ZCCHC7: variants seen among roughly 807,000 people sequenced by gnomAD.
ZCCHC7 encodes zinc finger CCHC domain-containing protein 7.
Under a neutral mutation model 52.0 loss-of-function variants are expected in ZCCHC7, and 35 were observed. The observed-to-expected ratio is 0.67, with a 90% CI of 0.51 to 0.89. The LOEUF (loss-of-function observed/expected upper bound fraction) is 0.89. Ranked by LOEUF, ZCCHC7 falls within the 40% of genes least tolerant of loss-of-function variation. The probability of loss-of-function intolerance (pLI) is 0.00; values close to 1 mark genes in which losing one functional copy is unlikely to be tolerated. For synonymous variants in ZCCHC7, 217 were observed against 221.5 expected, an observed-to-expected ratio of 0.98 and a Z score of 0.18; for missense variants, 574 against 649.1, an observed-to-expected ratio of 0.88 and a Z score of 1.26.
intron 2 of ZCCHC7, among the ~76,000 whole-genome samples, chr9:37,217,438 C>G (rs1256996220): frequency 6.6e-6 from 1 of 152,070 alleles, no homozygotes; most frequent in South Asian, 2.1e-4. Context: ...AGCCTTCAAT[C>G]AGTGAAAGAA....
At chr9:37,180,435 A>AT (rs1364144721) in intron 2 of ZCCHC7, among the ~76,000 whole-genome samples, 1 of 152,166 alleles carries the variant, frequency 6.6e-6, no homozygotes, top group African/African-American at 2.4e-5. Flanking sequence ...CAGTGGTACA[A>AT]TTTGGTGGTT....
chr9:37,248,176 T>G (rs1173799413), intron 2 of ZCCHC7, among the ~76,000 whole-genome samples: 1 of 152,194 alleles, frequency 6.6e-6, no homozygotes, highest in East Asian at 1.9e-4. Flanking sequence ...TTACATACTT[T>G]GACATATTTT....
chr9:37,349,566 G>GT (rs1821238689), intron 7 of ZCCHC7, 114 bp downstream of exon 7: 2 of 1,010,766 alleles, frequency 2.0e-6, no homozygotes, highest in East Asian at 5.3e-5. Context: ...AAACATTAAA[G>GT]TAAGACTTAA....
rs199565606 is a variant in ZCCHC7, at chr9:37,357,154, A to C, written c.1518A>C (p.Glu506Asp). ...HRSSHYHTSR[E>D]DKSPKEGKRG... ...CATCACATTACCACACGTCAAGAGA[A>C]GACAAGTCTCCCAAGGAAGGCAAGA... Residue 506 changes from glutamate to aspartate, a missense_variant, in exon 9 of 9, where the codon GAA becomes GAC. By Grantham distance (45) the Glu-to-Asp change is conservative. This residue lies in a region of ZCCHC7 where 168 missense variants were observed against 171.6 expected (regional missense o/e 0.98). Transcript: ENST00000336755. 1.4e-5 allele frequency: 22 copies of C among 1,613,648 alleles called. No homozygotes were observed. The East Asian group carries it at 3.6e-4, about 26-fold the overall frequency.
intron 2 of ZCCHC7, among the ~76,000 whole-genome samples, chr9:37,145,874 C>T (rs1196170684): frequency 6.6e-6 from 1 of 151,782 alleles, no homozygotes; most frequent in East Asian, 1.9e-4. Flanking sequence ...AGGAATATAA[C>T]CCAAAATTAA....
chr9:37,208,553 A>G (rs1227811552), intron 2 of ZCCHC7, among the ~76,000 whole-genome samples: 1 of 152,246 alleles, frequency 6.6e-6, no homozygotes, highest in Admixed American at 6.5e-5. Flanking sequence ...GTAACAGATC[A>G]TATTGAGTGA....
intron 1 of ZCCHC7, 181 bp downstream of exon 1, chr9:37,120,804 G>T (rs1029513485): frequency 6.5e-6 from 2 of 307,604 alleles, no homozygotes; most frequent in African/African-American, 2.2e-5. Context: ...CGCCCCACGC[G>T]GCCGGGCTGC....
Position 37,357,014 on chromosome 9 carries a change from C to T in ZCCHC7, c.1378C>T (p.His460Tyr), listed in dbSNP as rs755134888. The T allele has an allele frequency of 6.2e-7, 1 of 1,613,672 alleles. No homozygotes were observed. ...GAACAAGAATAGAAACTGGGAGAAG[C>T]ACAGGAAGGCTGACAGACATCGTGA... ...MKNKNRNWEK[H>Y]RKADRHREVD... The change falls in exon 9 of 9, where the codon CAC becomes TAC. Residue 460 changes from histidine to tyrosine, a missense_variant. Coordinates refer to ENST00000336755, the MANE Select transcript of ZCCHC7 (RefSeq NM_032226.3).
In ZCCHC7 at chr9:37,203,994, G is replaced by A. The variant is rs192959808; in HGVS notation, c.610+77052G>A. The stretch of plus-strand genomic sequence containing the variant: ...GTTGTTTCTTGACTTTTTAATAATC[G>A]CCATTCTGACTGGCATGAGATGGTA... On this transcript the variant is annotated intron_variant, in intron 2 of 8. Transcript: ENST00000336755. Among the ~76,000 whole-genome samples the A allele has an allele frequency of 6.6e-5, 10 of 152,074 alleles. No homozygotes were observed. The South Asian group carries it at 1.3e-3, about 19-fold the overall frequency.
At chr9:37,166,680 T>C (rs1213091891) in intron 2 of ZCCHC7, among the ~76,000 whole-genome samples, 1 of 152,224 alleles carries the variant, frequency 6.6e-6, no homozygotes, top group Non-Finnish European at 1.5e-5. Context: ...ATCATTCTTT[T>C]AGTGCTATCA....
chr9:37,201,321 G>A (rs1213941934), intron 2 of ZCCHC7, among the ~76,000 whole-genome samples: 1 of 152,130 alleles, frequency 6.6e-6, no homozygotes, highest in East Asian at 1.9e-4. Flanking sequence ...GAGAAAAAGA[G>A]ACAAAAAGTA....
rs528844945 is a variant in ZCCHC7 at position 37,293,581 on chromosome 9, T to G, written c.611-8607T>G. 2.0e-5 allele frequency among the ~76,000 whole-genome samples: 3 copies of G among 152,256 alleles called. No individual in the cohort carries two copies. In the East Asian group the frequency reaches 5.8e-4, roughly 29 times the overall value. ...TTTGCCTTTTGTGGACAGTTGGAGG[T>G]GGGGAACAGGCATCCATAGTCAGTA... is the stretch of plus-strand genomic sequence containing the variant. On this transcript the variant is annotated intron_variant, in intron 2 of 8. Coordinates refer to ENST00000336755, the MANE Select transcript of ZCCHC7 (RefSeq NM_032226.3).
At chr9:37,265,833 G>A (rs1827080131) in intron 2 of ZCCHC7, among the ~76,000 whole-genome samples, 1 of 152,106 alleles carries the variant, frequency 6.6e-6, no homozygotes, top group Admixed American at 6.5e-5. Context: ...GTTGGCCCTA[G>A]TCTGTTTTTT....
At chr9:37,191,361 A>C (rs1355242639) in intron 2 of ZCCHC7, among the ~76,000 whole-genome samples, 1 of 152,100 alleles carries the variant, frequency 6.6e-6, no homozygotes, top group Non-Finnish European at 1.5e-5. Context: ...TATTGTTTTG[A>C]AAGTATATTG....
At chr9:37,351,632 C>T (rs1359812931) in intron 7 of ZCCHC7, among the ~76,000 whole-genome samples, 1 of 152,160 alleles carries the variant, frequency 6.6e-6, no homozygotes, top group African/African-American at 2.4e-5. Context: ...ACAGAATTAT[C>T]ATCTCTAGAT....
chr9:37,258,370 G>A (rs150750989), intron 2 of ZCCHC7, among the ~76,000 whole-genome samples: 3,899 of 152,108 alleles, frequency 0.026, 74 homozygotes, highest in Middle Eastern at 0.048. Context: ...GTCAGCATGG[G>A]GTTAATACAC....
intron 2 of ZCCHC7, among the ~76,000 whole-genome samples, chr9:37,185,925 T>C (rs1422553676): frequency 1.0e-5 from 1 of 95,458 alleles, no homozygotes; most frequent in East Asian, 2.4e-4. Context: ...TCATGCATTT[T>C]ATTTATTTAT....
chr9:37,290,065 A>G (rs1828461527), intron 2 of ZCCHC7, among the ~76,000 whole-genome samples: 1 of 152,144 alleles, frequency 6.6e-6, no homozygotes, highest in African/African-American at 2.4e-5. Context: ...ATGCCTCTCT[A>G]ATGTACATCA....
At chr9:37,137,371 C>T (rs923894086) in intron 2 of ZCCHC7, among the ~76,000 whole-genome samples, 1 of 152,120 alleles carries the variant, frequency 6.6e-6, no homozygotes, top group African/African-American at 2.4e-5. Context: ...AGGTTAAATG[C>T]AGCTAAAAAT....
Sources: allele counts gnomAD v4.1 joint callset (sites outside exome capture counted in the v4.1 genomes callset), GRCh38; gene constraint gnomAD v4.1.1; regional missense constraint gnomAD v4.1.1; transcripts MANE v1.5; gene names NCBI Gene and HGNC (gene_info 2026-07-23, HGNC 2026-07-21).